ANO6: variants seen among roughly 807,000 people sequenced by gnomAD.
ANO6 encodes the protein anoctamin-6.
Under a neutral mutation model 117.5 loss-of-function variants are expected in ANO6, and 106 were observed. That is an observed-to-expected ratio of 0.90 (90% CI 0.77 to 1.06). ANO6 has a LOEUF of 1.06. Among genes scored for constraint, ANO6 ranks in the 50% least tolerant of loss-of-function variants. ANO6 has a pLI of 0.00. For missense variants in ANO6, 955 were observed against 1,121.1 expected, an observed-to-expected ratio of 0.85 and a Z score of 2.12; for synonymous variants, 367 against 385.1, an observed-to-expected ratio of 0.95 and a Z score of 0.55.
chr12:45,216,379 G>A lies in ANO6; in HGVS notation c.58G>A (p.Asp20Asn), dbSNP rs1410423124. The A allele has an allele frequency of 2.5e-6, 4 of 1,612,662 alleles. No homozygotes were observed. The East Asian group carries it at 6.7e-5, about 27-fold the overall frequency. The change falls in exon 1 of 20, where the codon GAT becomes AAT. Residue 20 changes from aspartate (D) to asparagine (N), a missense_variant. Asp to Asn is a conservative substitution (Grantham distance 23). Transcript: ENST00000320560. Reference protein sequence around the residue: ...LQMEEEEDDDDGDIVLENLGQ... With the variant: ...LQMEEEEDDDNGDIVLENLGQ... ...AATGGAGGAGGAGGAGGACGACGAC[G>A]ATGGGGATATCGGTGAGCGAGGGGT...
At chr12:45,242,054 C>T (rs1053947369) in intron 1 of ANO6, among the ~76,000 whole-genome samples, 1 of 152,230 alleles carries the variant, frequency 6.6e-6, no homozygotes, top group Non-Finnish European at 1.5e-5. Flanking sequence ...GCGGTCTGTC[C>T]ATTCTCAGAG....
At chr12:45,347,435 T>C (rs1319884121) in intron 4 of ANO6, 14 of 263,590 alleles carry the variant, frequency 5.3e-5, no homozygotes, top group Admixed American at 2.9e-4. Context: ...ATCTTAATTA[T>C]CCATAAATAA....
chr12:45,301,129 AAG>A lies in ANO6; in HGVS notation c.71-882_71-881del, dbSNP rs369992591. ...ACTGGATTGCTAAGACTTAACACAA[AAG>A]AGGTAAAATATTTCATAAATAGTTT... On this transcript the variant is annotated intron_variant, in intron 1 of 19. Transcript: ENST00000320560. Among the ~76,000 whole-genome samples the A allele has an allele frequency of 4.5e-4, 69 of 152,372 alleles. 2 individuals are homozygous for A. The South Asian group carries it at 0.014, about 31-fold the overall frequency.
At chr12:45,402,340 A>C (rs1942813034) in intron 13 of ANO6, among the ~76,000 whole-genome samples, 2 of 152,210 alleles carry the variant, frequency 1.3e-5, no homozygotes, top group South Asian at 4.1e-4. Context: ...TAAGTGGAAT[A>C]GGGTCATGGT....
chr12:45,387,918 T>A (rs185992906), intron 10 of ANO6, among the ~76,000 whole-genome samples: 2 of 152,240 alleles, frequency 1.3e-5, no homozygotes, highest in Admixed American at 1.3e-4. Context: ...TATTGCCATG[T>A]AAGACGTGTT....
intron 19 of ANO6, among the ~76,000 whole-genome samples, chr12:45,423,294 TTCA>T (rs1269119278): frequency 2.0e-5 from 3 of 152,202 alleles, no homozygotes; most frequent in African/African-American, 7.2e-5. Flanking sequence ...TTCAATTTCA[TTCA>T]TTACTAACTT....
chr12:45,389,358 A>G (rs1395281350), intron 11 of ANO6, among the ~76,000 whole-genome samples: 1 of 152,242 alleles, frequency 6.6e-6, no homozygotes, highest in African/African-American at 2.4e-5. Context: ...AAGATTGTAT[A>G]TTCAGAAATG....
At chr12:45,298,051 A>G (rs1029673572) in intron 1 of ANO6, among the ~76,000 whole-genome samples, 2 of 152,206 alleles carry the variant, frequency 1.3e-5, no homozygotes, top group African/African-American at 4.8e-5. Flanking sequence ...CTGATTTTGA[A>G]CTGCACTTTC....
chr12:45,393,672 G>A (rs1942521669), intron 12 of ANO6, among the ~76,000 whole-genome samples: 1 of 152,220 alleles, frequency 6.6e-6, no homozygotes, highest in Non-Finnish European at 1.5e-5. Flanking sequence ...CGAGCCAGAA[G>A]AGAGTGGGGG....
At chr12:45,285,896 A>T (rs1171826342) in intron 1 of ANO6, among the ~76,000 whole-genome samples, 1 of 152,140 alleles carries the variant, frequency 6.6e-6, no homozygotes, top group African/African-American at 2.4e-5. Context: ...CCTCCTCCCC[A>T]CTGGAGGTCT....
In ANO6 at chr12:45,302,006, G is replaced by A. The variant is rs773411350; in HGVS notation, c.71-8G>A. 24 of 1,613,434 alleles carry A rather than the reference G, an allele frequency of 1.5e-5. No individual in the cohort carries two copies. Among genetic ancestry groups the A allele is most frequent in the Middle Eastern group, 1.7e-4 (1 of 6,058 alleles). Reference sequence around the variant, plus strand: ...GCTTCATTTGTTTATATATTCATTCGTTTTTAGTGTTGGAAAACCTTGGAC... The same window carrying A: ...GCTTCATTTGTTTATATATTCATTCATTTTTAGTGTTGGAAAACCTTGGAC... On this transcript the variant is annotated splice_region_variant and splice_polypyrimidine_tract_variant and intron_variant, in intron 1 of 19. Coordinates refer to ENST00000320560, the MANE Select transcript of ANO6 (RefSeq NM_001025356.3).
At chr12:45,310,834 AG>A (rs2137330914) in intron 2 of ANO6, among the ~76,000 whole-genome samples, 1 of 152,180 alleles carries the variant, frequency 6.6e-6, no homozygotes, top group East Asian at 1.9e-4. Flanking sequence ...GGGTGAAGTT[AG>A]GGTAGAAGTT....
At chr12:45,287,691 G>T (rs907291733) in intron 1 of ANO6, among the ~76,000 whole-genome samples, 1 of 152,128 alleles carries the variant, frequency 6.6e-6, no homozygotes, top group Non-Finnish European at 1.5e-5. Context: ...GAATTTTGGG[G>T]CATTTACTGA....
intron 2 of ANO6, among the ~76,000 whole-genome samples, chr12:45,311,726 T>C (rs1432038593): frequency 6.6e-6 from 1 of 152,054 alleles, no homozygotes; most frequent in East Asian, 1.9e-4. Flanking sequence ...GAAATACAGA[T>C]GAAATGGATA....
chr12:45,294,572 C>T (rs1939226254), intron 1 of ANO6, among the ~76,000 whole-genome samples: 2 of 152,108 alleles, frequency 1.3e-5, no homozygotes, highest in South Asian at 2.1e-4. Flanking sequence ...TTGGAATTTG[C>T]ATTCTAGAAA....
In ANO6 at chr12:45,279,114, T is replaced by C; in HGVS notation, c.71-22900T>C. 1.3e-5 allele frequency among the ~76,000 whole-genome samples: 2 copies of C among 152,136 alleles called. 1 individual carries two copies. Among genetic ancestry groups the C allele is most frequent in the Admixed American group, 1.3e-4 (2 of 15,274 alleles). On this transcript the variant is annotated intron_variant, in intron 1 of 19. Transcript: ENST00000320560. ...TTTCCAGAGAATACCTTTCAAGTCT[T>C]TTCCTAGGTAGGGTGGGGTTGGGAG...
At chr12:45,434,350 G>C (rs899759938), downstream of ANO6, among the ~76,000 whole-genome samples, 1 of 152,182 alleles carries the variant, frequency 6.6e-6, no homozygotes, top group African/African-American at 2.4e-5. Flanking sequence ...CTGCTCTGTG[G>C]TACAGAACAT....
At chr12:45,347,263 CA>C in intron 4 of ANO6, 176 bp downstream of exon 4, 2 of 598,066 alleles carry the variant, frequency 3.3e-6, no homozygotes, top group Non-Finnish European at 5.9e-6. Context: ...TTTTTCTGAT[CA>C]AAACTAGCAG....
chr12:45,310,889 G>A (rs988814179), intron 2 of ANO6, among the ~76,000 whole-genome samples: 3 of 150,564 alleles, frequency 2.0e-5, no homozygotes, highest in Non-Finnish European at 4.4e-5. Flanking sequence ...TGGAGCTGAA[G>A]CACTAATCTC....
Sources: allele counts gnomAD v4.1 joint callset (sites outside exome capture counted in the v4.1 genomes callset), GRCh38; gene constraint gnomAD v4.1.1; transcripts MANE v1.5; gene names NCBI Gene and HGNC (gene_info 2026-07-23, HGNC 2026-07-21).